The following LINGO2 variants were observed in gnomAD, a reference collection of about 807,000 sequenced individuals.
LINGO2 encodes the protein leucine rich repeat and Ig domain containing 2.
LINGO2 carries 14 observed loss-of-function variants against 30.6 expected under a neutral mutation model. That is an observed-to-expected ratio of 0.46 (90% CI 0.30 to 0.72). The LOEUF (loss-of-function observed/expected upper bound fraction) is 0.72, where lower values mean the gene tolerates loss of function less well. LINGO2 is among the 30% of genes least tolerant of loss of function. The pLI, the probability that LINGO2 is intolerant of heterozygous loss-of-function variation, is 0.07. For synonymous variants in LINGO2, 317 were observed against 288.5 expected (o/e 1.10, Z -1.00); for missense variants, 729 against 751.7 (o/e 0.97, Z 0.35).
intron 4 of LINGO2, among the ~76,000 whole-genome samples, chr9:28,265,012 G>A (rs186674805): frequency 3.3e-5 from 5 of 152,008 alleles, no homozygotes; most frequent in Non-Finnish European, 7.4e-5. Flanking sequence ...CTGATGGCCT[G>A]ACCTACAGAT....
At chr9:28,270,824 G>GTGTT (rs1195419928) in intron 4 of LINGO2, among the ~76,000 whole-genome samples, 3 of 152,072 alleles carry the variant, frequency 2.0e-5, no homozygotes, top group Admixed American at 1.3e-4. Context: ...TCCTGTTTAA[G>GTGTT]TGTTACAAAA....
intron 1 of LINGO2, among the ~76,000 whole-genome samples, chr9:28,500,480 A>T (rs1485850396): frequency 6.6e-6 from 1 of 152,212 alleles, no homozygotes; most frequent in Non-Finnish European, 1.5e-5. Context: ...TTTGTGAAAA[A>T]AGTAAAAATA....
At chr9:28,289,272 A>G (rs1823633384) in intron 4 of LINGO2, among the ~76,000 whole-genome samples, 1 of 152,186 alleles carries the variant, frequency 6.6e-6, no homozygotes, top group Non-Finnish European at 1.5e-5. Flanking sequence ...TGTTCATTTT[A>G]AAACACTTAA....
At chr9:28,003,359 A>G (rs1331491369) in intron 5 of LINGO2, among the ~76,000 whole-genome samples, 1 of 132,262 alleles carries the variant, frequency 7.6e-6, no homozygotes, top group Non-Finnish European at 1.6e-5. Flanking sequence ...AGATAGATAG[A>G]TAGATAGATA....
chr9:28,736,862 T>C, the LINGO2 span, among the ~76,000 whole-genome samples: 1 of 152,204 alleles, frequency 6.6e-6, no homozygotes, highest in Non-Finnish European at 1.5e-5. Flanking sequence ...TAGTAGATGT[T>C]CAGTGAACAT....
At chr9:28,319,746 T>A (rs1190863360) in intron 3 of LINGO2, among the ~76,000 whole-genome samples, 1 of 152,156 alleles carries the variant, frequency 6.6e-6, no homozygotes, top group African/African-American at 2.4e-5. Flanking sequence ...CTTGAGGCAA[T>A]TTTTTGGGTG....
At chr9:28,526,614 G>A (rs973206939) in intron 1 of LINGO2, among the ~76,000 whole-genome samples, 3 of 152,024 alleles carry the variant, frequency 2.0e-5, no homozygotes, top group Non-Finnish European at 4.4e-5. Flanking sequence ...GAATTCTATG[G>A]CCTTCCTGCA....
At chr9:29,167,745 G>C in the LINGO2 span, among the ~76,000 whole-genome samples, 2 of 152,092 alleles carry the variant, frequency 1.3e-5, no homozygotes, top group Non-Finnish European at 2.9e-5. Context: ...TATCTCATTT[G>C]TATAAAAATG....
chr9:28,713,111 G>A, the LINGO2 span, among the ~76,000 whole-genome samples: 4 of 151,986 alleles, frequency 2.6e-5, no homozygotes, highest in African/African-American at 4.8e-5. Context: ...TGATCAACCC[G>A]CCTCGGCCTC....
intron 4 of LINGO2, among the ~76,000 whole-genome samples, chr9:28,046,199 T>C (rs955851095): frequency 2.0e-5 from 3 of 152,202 alleles, no homozygotes; most frequent in Non-Finnish European, 4.4e-5. Context: ...TTAGATGCAG[T>C]ATACGATTGA....
At chr9:29,189,144 G>T in the LINGO2 span, among the ~76,000 whole-genome samples, 1 of 140,812 alleles carries the variant, frequency 7.1e-6, no homozygotes, top group Admixed American at 7.0e-5. Flanking sequence ...CGGGCGGGGG[G>T]CTGACCCCCC....
intron 3 of LINGO2, among the ~76,000 whole-genome samples, chr9:28,326,045 C>T (rs748308815): frequency 2.0e-5 from 3 of 152,152 alleles, no homozygotes; most frequent in South Asian, 2.1e-4. Flanking sequence ...CTCGCTCTGT[C>T]GCTTAGGCTG....
the LINGO2 span, among the ~76,000 whole-genome samples, chr9:28,990,054 T>G: frequency 6.6e-6 from 1 of 152,208 alleles, no homozygotes; most frequent in Non-Finnish European, 1.5e-5. Flanking sequence ...GGACAGTGGT[T>G]GCAGTGCACC....
chr9:29,142,978 T>A, the LINGO2 span, among the ~76,000 whole-genome samples: 1 of 151,858 alleles, frequency 6.6e-6, no homozygotes, highest in Non-Finnish European at 1.5e-5. Context: ...CATTAAAAAA[T>A]CAGTGGAATT....
intron 4 of LINGO2, among the ~76,000 whole-genome samples, chr9:28,169,858 T>C (rs1374003170): frequency 6.6e-6 from 1 of 152,216 alleles, no homozygotes; most frequent in Non-Finnish European, 1.5e-5. Flanking sequence ...ATTGCTTCCT[T>C]CCCAAATATC....
intron 1 of LINGO2, among the ~76,000 whole-genome samples, chr9:28,573,673 A>G (rs1286603353): frequency 1.3e-5 from 2 of 152,178 alleles, no homozygotes; most frequent in African/African-American, 4.8e-5. Context: ...CTGGTTTTAT[A>G]GCCAGAAATA....
chr9:29,109,612 A>G, the LINGO2 span, among the ~76,000 whole-genome samples: 4 of 152,200 alleles, frequency 2.6e-5, no homozygotes, highest in African/African-American at 7.2e-5. Flanking sequence ...TCTGACTTTC[A>G]TACTGTACAG....
At chr9:29,153,505 T>C in the LINGO2 span, among the ~76,000 whole-genome samples, 4 of 152,168 alleles carry the variant, frequency 2.6e-5, no homozygotes, top group African/African-American at 9.7e-5. Context: ...AAAATAAAAG[T>C]TTTTTATTAT....
intron 4 of LINGO2, among the ~76,000 whole-genome samples, chr9:28,015,034 G>A (rs1334167842): frequency 1.3e-5 from 2 of 152,114 alleles, no homozygotes; most frequent in African/African-American, 2.4e-5. Context: ...TTAGTGGGTA[G>A]AGTTATATAT....
Sources: gnomAD v4.1 joint callset for allele counts (sites outside exome capture counted in the v4.1 genomes callset) on GRCh38, gnomAD v4.1.1 for gene constraint, MANE v1.5 for transcripts, NCBI Gene and HGNC (gene_info 2026-07-23, HGNC 2026-07-21) for gene names.